C5orf22: variants seen among roughly 807,000 people sequenced by gnomAD.
C5orf22 encodes UPF0489 protein C5orf22.
Under a neutral mutation model 48.7 loss-of-function variants are expected in C5orf22, and 36 were observed. That is an observed-to-expected ratio of 0.74 (90% CI 0.57 to 0.98). C5orf22 has a LOEUF of 0.98. C5orf22 is among the 50% of genes least tolerant of loss of function. The pLI, the probability that C5orf22 is intolerant of heterozygous loss-of-function variation, is 0.00. For missense variants in C5orf22, 486 were observed against 521.9 expected (o/e 0.93, Z 0.67); for synonymous variants, 141 against 180.8 (o/e 0.78, Z 1.76).
chr5:31,535,115 G>C (rs1741993967), intron 2 of C5orf22: 1 of 408,388 alleles, frequency 2.4e-6, no homozygotes, highest in South Asian at 1.8e-5. Context: ...AATATTCTTT[G>C]ATAGTGCGCC....
chr5:31,547,821 G>C (rs13164463), intron 7 of C5orf22, among the ~76,000 whole-genome samples: 3 of 152,176 alleles, frequency 2.0e-5, no homozygotes, highest in African/African-American at 7.2e-5. Flanking sequence ...AGGGGCTACC[G>C]CAAAGGTCTC....
At chr5:31,537,991 T>C (rs1742202063) in intron 3 of C5orf22, among the ~76,000 whole-genome samples, 1 of 152,226 alleles carries the variant, frequency 6.6e-6, no homozygotes, top group African/African-American at 2.4e-5. Flanking sequence ...TGCATGCTTT[T>C]CTTCCATTCA....
rs761603121 is a variant in C5orf22, at chr5:31,545,650, G to A, written c.997G>A (p.Glu333Lys). Residue 333 changes from glutamate (E) to lysine (K), a missense_variant, in exon 7 of 9, where the codon GAA becomes AAA. Physicochemically the swap from Glu to Lys is moderately conservative, Grantham distance 56. Transcript: ENST00000325366. Reference protein sequence around the residue: ...VQRWASNPGMESLVPLVQSLK... With the variant: ...VQRWASNPGMKSLVPLVQSLK... ...AGTGGGATGGCTTTTTTCCAGAATGGAATCACTAGTTCCCCTTGTACAGAG... is the reference window on the plus strand; with the variant it reads ...AGTGGGATGGCTTTTTTCCAGAATGAAATCACTAGTTCCCCTTGTACAGAG... The A allele has an allele frequency of 6.2e-7, 1 of 1,610,286 alleles. No individual in the cohort carries two copies. The highest frequency in any genetic ancestry group is 1.1e-5 in the South Asian group (1 of 90,436).
chr5:31,549,559 C>T (rs1436613000), intron 7 of C5orf22, among the ~76,000 whole-genome samples: 2 of 151,750 alleles, frequency 1.3e-5, no homozygotes, highest in African/African-American at 2.4e-5. Context: ...TTAAGAAGAT[C>T]GTTATAAGAT....
intron 2 of C5orf22, 36 bp downstream of exon 2, chr5:31,534,453 GA>G (rs1321526319): frequency 6.4e-6 from 10 of 1,569,126 alleles, no homozygotes; most frequent in Non-Finnish European, 8.7e-6. Flanking sequence ...TTTTGTGTTT[GA>G]AGTACAATTT....
intron 6 of C5orf22, among the ~76,000 whole-genome samples, chr5:31,542,287 A>G (rs1252068393): frequency 6.6e-6 from 1 of 151,264 alleles, no homozygotes; most frequent in Non-Finnish European, 1.5e-5. Flanking sequence ...AGTCTCTACT[A>G]AAAATACCAA....
chr5:31,533,792 C>T (rs1741884134), intron 1 of C5orf22, among the ~76,000 whole-genome samples: 1 of 150,678 alleles, frequency 6.6e-6, no homozygotes, highest in Non-Finnish European at 1.5e-5. Flanking sequence ...ATCCCAGCTA[C>T]TCAGGAGACT....
intron 7 of C5orf22, among the ~76,000 whole-genome samples, chr5:31,546,096 CT>C (rs1422937526): frequency 6.6e-6 from 1 of 152,130 alleles, no homozygotes; most frequent in African/African-American, 2.4e-5. Flanking sequence ...TATTTAAAAA[CT>C]TTTCCGTTTG....
At chr5:31,547,606 A>C (rs907763139) in intron 7 of C5orf22, among the ~76,000 whole-genome samples, 1 of 152,166 alleles carries the variant, frequency 6.6e-6, no homozygotes, top group Non-Finnish European at 1.5e-5. Context: ...ACTTCTGTGC[A>C]CTCACAGGCT....
intron 6 of C5orf22, among the ~76,000 whole-genome samples, chr5:31,544,064 A>G (rs1742656025): frequency 6.6e-6 from 1 of 152,168 alleles, no homozygotes; most frequent in African/African-American, 2.4e-5. Context: ...CGCTATGTCT[A>G]GGGAAGTGAG....
chr5:31,541,595 A>T (rs1468626602), intron 6 of C5orf22, among the ~76,000 whole-genome samples, 193 bp downstream of exon 6: 1 of 151,776 alleles, frequency 6.6e-6, no homozygotes, highest in African/African-American at 2.4e-5. Flanking sequence ...GTCTCTAAAA[A>T]AAGGTTTTTT....
chr5:31,540,838 A>T, intron 4 of C5orf22, 111 bp from the exon 5 acceptor site: 1 of 751,788 alleles, frequency 1.3e-6, no homozygotes, highest in Non-Finnish European at 2.3e-6. Context: ...TTAAATAATT[A>T]TCTAAGATGT....
rs754524348 is a variant in C5orf22 at position 31,538,693 on chromosome 5, A to AATAT, written c.807+7_807+8insTATA. The AATAT allele has an allele frequency of 6.2e-7, 1 of 1,600,364 alleles. No individual in the cohort carries two copies. Among genetic ancestry groups the AATAT allele is most frequent in the East Asian group, 2.2e-5 (1 of 44,736 alleles). ...CTTCAAAGAAATGTTCACTCAGGTA[A>AATAT]ATAATTGTGTTTTTAACACATAGAT... On this transcript the variant is annotated splice_donor_region_variant and intron_variant, in intron 4 of 8. Coordinates refer to ENST00000325366, the MANE Select transcript of C5orf22 (RefSeq NM_018356.3).
chr5:31,539,891 T>A (rs1178452880), intron 4 of C5orf22, among the ~76,000 whole-genome samples: 2 of 151,452 alleles, frequency 1.3e-5, no homozygotes, highest in African/African-American at 2.4e-5. Flanking sequence ...AAAAAAAAAT[T>A]TTTTTTTTAA....
Position 31,541,908 on chromosome 5 carries a change from T to C in C5orf22, c.992+506T>C, listed in dbSNP as rs190919498. 7.2e-5 allele frequency among the ~76,000 whole-genome samples: 11 copies of C among 152,328 alleles called. No homozygotes were observed. The East Asian group carries it at 1.5e-3, about 21-fold the overall frequency. ...TCATGTACTCCTTACAACAGTCTTA[T>C]GGTTTTATTATTATTATGTCAATTT... is the stretch of plus-strand genomic sequence containing the variant. On this transcript the variant is annotated intron_variant, in intron 6 of 8. Transcript: ENST00000325366.
intron 2 of C5orf22, chr5:31,535,006 A>G (rs1256872103): frequency 1.5e-5 from 7 of 454,750 alleles, no homozygotes. Flanking sequence ...CCATTGCCAT[A>G]TGCTGTTTTG....
chr5:31,532,724 A>C (rs563944731), intron 1 of C5orf22, among the ~76,000 whole-genome samples: 1 of 152,096 alleles, frequency 6.6e-6, no homozygotes, highest in East Asian at 2.0e-4. Flanking sequence ...AGAACCAAAC[A>C]AAAGGTGGCA....
At chr5:31,543,205 A>C (rs1315507588) in intron 6 of C5orf22, among the ~76,000 whole-genome samples, 1 of 152,232 alleles carries the variant, frequency 6.6e-6, no homozygotes, top group Non-Finnish European at 1.5e-5. Flanking sequence ...GACACTAACA[A>C]AGCAGTGATG....
chr5:31,551,360 T>TA lies in C5orf22; in HGVS notation c.1128dup (p.Glu377ArgfsTer29). ...CACCATATCAGCACAGAACAAGAAA[T>TA]AGAGTGTCTTATTCAATCTGTGCAT... On this transcript the variant is annotated frameshift_variant, in exon 8 of 9. Transcript: ENST00000325366. LOFTEE classifies it high-confidence loss of function. 1 of 1,613,442 alleles carries TA rather than the reference T, an allele frequency of 6.2e-7. No individual in the cohort carries two copies.
Sources: gnomAD v4.1 joint callset for allele counts (sites outside exome capture counted in the v4.1 genomes callset) on GRCh38, gnomAD v4.1.1 for gene constraint, MANE v1.5 for transcripts, NCBI Gene and HGNC (gene_info 2026-07-23, HGNC 2026-07-21) for gene names.